Variants in NEO1 observed in about 807,000 individuals in gnomAD.
NEO1 encodes the protein neogenin 1, also known as neogenin.
NEO1 carries 63 observed loss-of-function variants against 159.7 expected under a neutral mutation model. That is an observed-to-expected ratio of 0.39 (90% CI 0.32 to 0.49). NEO1 has a LOEUF of 0.49. Ranked by LOEUF, NEO1 falls within the 20% of genes least tolerant of loss-of-function variation. The pLI, the probability that NEO1 is intolerant of heterozygous loss-of-function variation, is 0.85. For synonymous variants in NEO1, 633 were observed against 662.0 expected (o/e 0.96, Z 0.67); for missense variants, 1,615 against 1,831.0 (o/e 0.88, Z 2.15).
chr15:73,250,665 T>A (rs1027212163), intron 11 of NEO1, among the ~76,000 whole-genome samples: 12 of 152,164 alleles, frequency 7.9e-5, no homozygotes, highest in African/African-American at 2.7e-4. Flanking sequence ...ATTTTTATTT[T>A]AACTGACTTG....
rs577069241 is a variant in NEO1, at chr15:73,142,016, C to G, written c.1015+5989C>G. Among the ~76,000 whole-genome samples, 234 of 152,246 alleles carry G rather than the reference C, an allele frequency of 1.5e-3. 1 individual carries two copies. Among genetic ancestry groups the G allele is most frequent in the African/African-American group, 5.4e-3 (224 of 41,554 alleles). On this transcript the variant is annotated intron_variant, in intron 5 of 28. Transcript: ENST00000261908. Reference sequence around the variant, plus strand: ...CAGCTCTGTCTCTTAGCTTTGTGAACTTGGCCAAGTTAATTAATTTACCTA... The same window carrying G: ...CAGCTCTGTCTCTTAGCTTTGTGAAGTTGGCCAAGTTAATTAATTTACCTA...
At position 73,273,984 on chromosome 15, in the gene NEO1, G is replaced by A. The variant is rs751743840; in HGVS notation, c.3139G>A (p.Val1047Ile). Residue 1047 changes from valine to isoleucine, a missense_variant, in exon 20 of 29, where the codon GTC becomes ATC. By Grantham distance (29) the Val-to-Ile change is conservative. Around this residue, in one of 3 missense-constraint regions of NEO1, gnomAD observed 126 missense variants for 216.7 expected, o/e 0.58. Transcript: ENST00000261908. ...GGGCATGGGACCCATGTCTGAAGCTGTCCAATTCAGAACACCTAAAGGTAA... is the reference window on the plus strand; with the variant it reads ...GGGCATGGGACCCATGTCTGAAGCTATCCAATTCAGAACACCTAAAGGTAA... The part of the protein sequence containing the change: ...SKGMGPMSEA[V>I]QFRTPKADSS... The A allele has an allele frequency of 6.2e-7, 1 of 1,613,984 alleles. No individual in the cohort carries two copies. The highest frequency in any genetic ancestry group is 2.2e-5 in the East Asian group (1 of 44,878).
chr15:73,212,978 A>G (rs759311719), intron 7 of NEO1, among the ~76,000 whole-genome samples: 5 of 152,014 alleles, frequency 3.3e-5, no homozygotes, highest in Non-Finnish European at 7.4e-5. Context: ...AATGAAAAAT[A>G]TTTGAAAGAA....
intron 1 of NEO1, among the ~76,000 whole-genome samples, chr15:73,106,443 C>T (rs531057141): frequency 2.0e-5 from 3 of 152,118 alleles, no homozygotes; most frequent in South Asian, 4.1e-4. Context: ...TATTTTAACA[C>T]GTAATTAGTA....
chr15:73,283,775 C>T (rs1469792806), intron 23 of NEO1, among the ~76,000 whole-genome samples: 1 of 152,174 alleles, frequency 6.6e-6, no homozygotes, highest in African/African-American at 2.4e-5. Flanking sequence ...ACCCGATGCC[C>T]AGGAGTCTGT....
At chr15:73,295,714 G>A (rs546418399) in intron 26 of NEO1, among the ~76,000 whole-genome samples, 5 of 152,276 alleles carry the variant, frequency 3.3e-5, no homozygotes, top group South Asian at 2.1e-4. Context: ...TCTTTTTCAC[G>A]ATTGTACTTT....
intron 4 of NEO1, among the ~76,000 whole-genome samples, chr15:73,131,730 A>T (rs1024098607): frequency 6.6e-6 from 1 of 152,188 alleles, no homozygotes; most frequent in African/African-American, 2.4e-5. Flanking sequence ...ACCCACTTTT[A>T]AAAATGTTTA....
chr15:73,284,047 G>C (rs764077092), intron 23 of NEO1, among the ~76,000 whole-genome samples: 3 of 152,126 alleles, frequency 2.0e-5, no homozygotes, highest in African/African-American at 4.8e-5. Context: ...TCTAAGTGCA[G>C]ATAGCAAGGG....
chr15:73,291,370 T>C (rs1180696646), intron 25 of NEO1, among the ~76,000 whole-genome samples: 2 of 152,216 alleles, frequency 1.3e-5, no homozygotes, highest in African/African-American at 4.8e-5. Context: ...ATCATTCTTC[T>C]TTTTTTGATG....
At chr15:73,129,594 C>T (rs1037892404) in intron 4 of NEO1, among the ~76,000 whole-genome samples, 5 of 151,842 alleles carry the variant, frequency 3.3e-5, no homozygotes, top group African/African-American at 1.2e-4. Context: ...GAAATGGATC[C>T]CATTCACTAA....
At chr15:73,200,896 G>T (rs370532083) in intron 7 of NEO1, among the ~76,000 whole-genome samples, 1 of 151,870 alleles carries the variant, frequency 6.6e-6, no homozygotes, top group South Asian at 2.1e-4. Flanking sequence ...TGCCCAGGCT[G>T]GTCTCAAACT....
rs993196134 is a variant in NEO1, at chr15:73,202,088, C to T, written c.1291+23661C>T. Among the ~76,000 whole-genome samples, 18 of 151,574 alleles carry T rather than the reference C, an allele frequency of 1.2e-4. No individual in the cohort carries two copies. In the East Asian group the frequency reaches 2.5e-3, roughly 21 times the overall value. On this transcript the variant is annotated intron_variant, in intron 7 of 28. Transcript: ENST00000261908. The stretch of plus-strand genomic sequence containing the variant: ...AAGCGATTCTCCTGCCTCAGCCTCC[C>T]GAGTAGCTGGGATTACAGGCATGCG...
At chr15:73,141,877 A>T (rs934821049) in intron 5 of NEO1, among the ~76,000 whole-genome samples, 1 of 152,200 alleles carries the variant, frequency 6.6e-6, no homozygotes, top group East Asian at 1.9e-4. Flanking sequence ...CTTATGTCAT[A>T]CATACAGAGT....
chr15:73,233,339 T>A (rs1287790350), intron 7 of NEO1, among the ~76,000 whole-genome samples: 1 of 152,216 alleles, frequency 6.6e-6, no homozygotes, highest in African/African-American at 2.4e-5. Flanking sequence ...AATAAAACAT[T>A]TGCTTTACAA....
At chr15:73,109,952 A>G (rs1168022862) in intron 1 of NEO1, among the ~76,000 whole-genome samples, 4 of 152,208 alleles carry the variant, frequency 2.6e-5, no homozygotes, top group South Asian at 4.1e-4. Context: ...CTCTGGAACC[A>G]GGAGCACTAA....
intron 5 of NEO1, among the ~76,000 whole-genome samples, chr15:73,165,989 C>CT (rs1159937577): frequency 6.6e-6 from 1 of 152,158 alleles, no homozygotes; most frequent in East Asian, 1.9e-4. Flanking sequence ...CCTTTCTTAT[C>CT]TGTGTGGCTG....
rs773363485 is a variant in NEO1, at chr15:73,135,876, T to G, written c.879-15T>G. The G allele has an allele frequency of 9.8e-6, 14 of 1,433,128 alleles. No homozygotes were observed. The highest frequency in any genetic ancestry group is 1.0e-5 in the Non-Finnish European group (11 of 1,103,062). The allele number at this position is 1,433,128 out of a possible 1,614,324, so 88.8% of individuals were successfully genotyped here. A position where few individuals can be genotyped will look rare whatever the true frequency, so the allele number is the denominator to read the frequency against. ...ACTGAAATGTATCTTTTTTTTTTTT[T>G]TTTTTTTAACACAGCTCTGAAAGAT... On this transcript the variant is annotated splice_polypyrimidine_tract_variant and intron_variant, in intron 4 of 28. Coordinates refer to ENST00000261908, the MANE Select transcript of NEO1 (RefSeq NM_002499.4).
At chr15:73,078,508 G>A (rs1487715508) in intron 1 of NEO1, among the ~76,000 whole-genome samples, 2 of 152,178 alleles carry the variant, frequency 1.3e-5, no homozygotes, top group African/African-American at 4.8e-5. Flanking sequence ...AAAGGGCTCT[G>A]TTTATCTAAA....
At chr15:73,253,915 T>G (rs1342688174) in intron 12 of NEO1, among the ~76,000 whole-genome samples, 1 of 152,184 alleles carries the variant, frequency 6.6e-6, no homozygotes, top group African/African-American at 2.4e-5. Context: ...TTGTATCTCC[T>G]CAAACTGTCC....
Sources: allele counts gnomAD v4.1 joint callset (sites outside exome capture counted in the v4.1 genomes callset), GRCh38; gene constraint gnomAD v4.1.1; regional missense constraint gnomAD v4.1.1; transcripts MANE v1.5; gene names NCBI Gene and HGNC (gene_info 2026-07-23, HGNC 2026-07-21).